The following ITGB6 variants were observed in gnomAD, a reference collection of about 807,000 sequenced individuals.
The protein encoded by ITGB6 is integrin subunit beta 6.
ITGB6 carries 80 observed loss-of-function variants against 84.5 expected under a neutral mutation model. The ratio of observed to expected loss-of-function variants is 0.95; its 90% CI spans 0.79 to 1.14. The LOEUF (loss-of-function observed/expected upper bound fraction) is 1.14, where lower values mean the gene tolerates loss of function less well. Among genes scored for constraint, ITGB6 ranks in the 50% most tolerant of loss-of-function variants. The probability of loss-of-function intolerance (pLI) is 0.00; values close to 1 mark genes in which losing one functional copy is unlikely to be tolerated. For missense variants in ITGB6, 1,006 were observed against 968.0 expected, an observed-to-expected ratio of 1.04 and a Z score of -0.52; for synonymous variants, 383 against 354.9, an observed-to-expected ratio of 1.08 and a Z score of -0.89.
At chr2:160,187,059 T>C (rs1020599133) in intron 4 of ITGB6, among the ~76,000 whole-genome samples, 1 of 152,122 alleles carries the variant, frequency 6.6e-6, no homozygotes. Context: ...GGCACATATA[T>C]ACCTACGTAA....
At chr2:160,166,839 T>C (rs1461077018) in intron 7 of ITGB6, among the ~76,000 whole-genome samples, 2 of 152,210 alleles carry the variant, frequency 1.3e-5, no homozygotes, top group Non-Finnish European at 2.9e-5. Context: ...CTTTTCACTG[T>C]TCATCTCTGT....
In ITGB6 at chr2:160,139,188, A is replaced by C. The variant is rs552373323; in HGVS notation, c.1108-989T>G. 6.6e-5 allele frequency among the ~76,000 whole-genome samples: 10 copies of C among 152,320 alleles called. No individual in the cohort carries two copies. The South Asian group carries it at 2.1e-3, about 32-fold the overall frequency. On this transcript the variant is annotated intron_variant, in intron 8 of 14. Coordinates refer to ENST00000283249, the MANE Select transcript of ITGB6 (RefSeq NM_000888.5). ...TGTAGGTGAACCAAACCAAATTATG[A>C]AAAATAGAAAAACAGAATAAAACCA...
chr2:160,137,899 G>A (rs1218790569), intron 9 of ITGB6, 48 bp from the exon 10 acceptor site: 8 of 1,583,568 alleles, frequency 5.1e-6, no homozygotes, highest in Admixed American at 1.7e-5. Context: ...CAAAATGCAC[G>A]AGGTGAAACA....
chr2:160,187,918 T>A (rs1025517504), intron 4 of ITGB6, among the ~76,000 whole-genome samples: 4 of 152,164 alleles, frequency 2.6e-5, no homozygotes, highest in African/African-American at 9.7e-5. Flanking sequence ...TCCTGAGATC[T>A]AAAAGTTTGA....
chr2:160,135,579 A>C (rs1252088657), intron 10 of ITGB6, among the ~76,000 whole-genome samples: 1 of 151,990 alleles, frequency 6.6e-6, no homozygotes, highest in East Asian at 1.9e-4. Context: ...GAACCAAAAA[A>C]GAGCCCACAT....
At chr2:160,130,974 C>G (rs190773181) in intron 10 of ITGB6, among the ~76,000 whole-genome samples, 5 of 152,252 alleles carry the variant, frequency 3.3e-5, no homozygotes, top group Non-Finnish European at 2.9e-5. Flanking sequence ...TTTAGAAGCC[C>G]TCCTCTCTCC....
In ITGB6 at chr2:160,108,313, T is replaced by C. The variant is rs192405130; in HGVS notation, c.2102-468A>G. Among the ~76,000 whole-genome samples, 338 of 151,926 alleles carry C rather than the reference T, an allele frequency of 2.2e-3. 1 individual carries two copies. Among genetic ancestry groups the C allele is most frequent in the African/African-American group, 7.7e-3 (318 of 41,420 alleles). The stretch of plus-strand genomic sequence containing the variant: ...GAATCATGGGGAGTCTAGAAGACTA[T>C]ATTAAAAGTTATATAAAAACCTATC... On this transcript the variant is annotated intron_variant, in intron 13 of 14. Transcript: ENST00000283249.
intron 4 of ITGB6, among the ~76,000 whole-genome samples, chr2:160,186,963 G>T (rs1239818569): frequency 2.0e-5 from 3 of 151,578 alleles, no homozygotes; most frequent in African/African-American, 7.3e-5. Context: ...AGGGCCTGTC[G>T]GGGGGGTGGG....
intron 12 of ITGB6, among the ~76,000 whole-genome samples, chr2:160,121,395 G>C (rs1683032689): frequency 6.6e-6 from 1 of 152,128 alleles, no homozygotes; most frequent in East Asian, 1.9e-4. Context: ...ATTACCAGGG[G>C]CGCCTTTTTC....
intron 4 of ITGB6, among the ~76,000 whole-genome samples, chr2:160,192,595 A>G (rs984275381): frequency 1.3e-5 from 2 of 152,172 alleles, no homozygotes; most frequent in African/African-American, 4.8e-5. Flanking sequence ...CACACCAACC[A>G]TAAAATTAAA....
intron 2 of ITGB6, among the ~76,000 whole-genome samples, chr2:160,198,340 G>A (rs1007300310): frequency 2.0e-5 from 3 of 152,158 alleles, no homozygotes; most frequent in Non-Finnish European, 4.4e-5. Flanking sequence ...GGTTTCCACA[G>A]GTAGAACCCA....
chr2:160,119,363 A>G (rs964758293), intron 12 of ITGB6, among the ~76,000 whole-genome samples: 4 of 152,274 alleles, frequency 2.6e-5, no homozygotes, highest in South Asian at 2.1e-4. Context: ...ATAATGCCGC[A>G]TATCTACAAC....
chr2:160,195,761 C>G lies in ITGB6; in HGVS notation c.347-146G>C. On this transcript the variant is annotated intron_variant, in intron 3 of 14. Transcript: ENST00000283249. Reference sequence around the variant, plus strand: ...TTTTATTAACTGTGTGGTCAAGATCCTAAAAGAACCAACCCATGAAATTCT... The same window carrying G: ...TTTTATTAACTGTGTGGTCAAGATCGTAAAAGAACCAACCCATGAAATTCT... The G allele has an allele frequency of 3.4e-6, 3 of 884,758 alleles. No homozygotes were observed. The South Asian group carries it at 5.3e-5, about 16-fold the overall frequency. The allele number at this position is 884,758 out of a possible 1,614,324, so 54.8% of individuals were successfully genotyped here.
intron 4 of ITGB6, among the ~76,000 whole-genome samples, chr2:160,195,167 A>G (rs1030073199): frequency 6.6e-6 from 1 of 152,180 alleles, no homozygotes; most frequent in Non-Finnish European, 1.5e-5. Flanking sequence ...AGAGGCCTCA[A>G]GGACCCACGG....
At chr2:160,117,087 C>G (rs1682810780) in intron 12 of ITGB6, among the ~76,000 whole-genome samples, 1 of 151,124 alleles carries the variant, frequency 6.6e-6, no homozygotes, top group South Asian at 2.1e-4. Context: ...ACCCCACTGT[C>G]AACATTAGAC....
chr2:160,146,466 C>T (rs1264341610), intron 7 of ITGB6, among the ~76,000 whole-genome samples: 1 of 152,138 alleles, frequency 6.6e-6, no homozygotes, highest in African/African-American at 2.4e-5. Context: ...TATTAACCAA[C>T]ATCAATGTTT....
At chr2:160,179,438 G>C (rs1282016217) in intron 4 of ITGB6, among the ~76,000 whole-genome samples, 1 of 147,884 alleles carries the variant, frequency 6.8e-6, no homozygotes, top group Admixed American at 6.8e-5. Context: ...GCCCAGGCTG[G>C]AATGCGGTGG....
intron 6 of ITGB6, among the ~76,000 whole-genome samples, chr2:160,171,106 A>G (rs1262557874): frequency 6.6e-6 from 1 of 152,178 alleles, no homozygotes; most frequent in African/African-American, 2.4e-5. Flanking sequence ...TAGGTCAAGG[A>G]ATAGTAGTGA....
intron 4 of ITGB6, among the ~76,000 whole-genome samples, chr2:160,184,328 C>T (rs1685807834): frequency 6.6e-6 from 1 of 152,116 alleles, no homozygotes; most frequent in Non-Finnish European, 1.5e-5. Flanking sequence ...ATACAAAGTA[C>T]CACCAGTGAA....
Sources: allele counts gnomAD v4.1 joint callset (sites outside exome capture counted in the v4.1 genomes callset), GRCh38; gene constraint gnomAD v4.1.1; transcripts MANE v1.5; gene names NCBI Gene and HGNC (gene_info 2026-07-23, HGNC 2026-07-21).